The following FHAD1 variants were observed in gnomAD, a reference collection of about 807,000 sequenced individuals.
FHAD1 encodes forkhead-associated domain-containing protein 1.
FHAD1 carries 146 observed loss-of-function variants against 191.3 expected under a neutral mutation model. That is an observed-to-expected ratio of 0.76 (90% CI 0.67 to 0.88). The LOEUF (loss-of-function observed/expected upper bound fraction) is 0.88, where lower values mean the gene tolerates loss of function less well. FHAD1 is among the 40% of genes least tolerant of loss of function. The probability of loss-of-function intolerance (pLI) is 0.00; values close to 1 mark genes in which losing one functional copy is unlikely to be tolerated. For synonymous variants in FHAD1, 616 were observed against 672.3 expected (o/e 0.92, Z 1.29); for missense variants, 1,635 against 1,785.8 (o/e 0.92, Z 1.52).
At position 15,247,277 on chromosome 1, in the gene FHAD1, C is replaced by T. The variant is rs1397589764; in HGVS notation, c.-133C>T. 5.5e-6 allele frequency: 1 copy of T among 183,256 alleles called. No individual in the cohort carries two copies. Among genetic ancestry groups the T allele is most frequent in the Non-Finnish European group, 1.2e-5 (1 of 84,018 alleles). The allele number at this position is 183,256 out of a possible 1,614,324, so 11.4% of individuals were successfully genotyped here. A position where few individuals can be genotyped will look rare whatever the true frequency, so the allele number is the denominator to read the frequency against. The stretch of plus-strand genomic sequence containing the variant: ...GGCCGGGCGGGCGGGGTGCCGGGTG[C>T]GAGCTGGAGACTCCGCGGGAGCGCG... On this transcript the variant is annotated 5_prime_UTR_variant, in exon 1 of 34. The change creates a premature stop within an existing upstream ORF in the 5' untranslated region. Transcript: ENST00000688493.
At chr1:15,258,266 AC>A (rs1183145411) in intron 2 of FHAD1, among the ~76,000 whole-genome samples, 1 of 151,840 alleles carries the variant, frequency 6.6e-6, no homozygotes, top group Admixed American at 6.5e-5. Flanking sequence ...CCTGGCAGCC[AC>A]CGTCTTTCTG....
upstream of FHAD1, among the ~76,000 whole-genome samples, chr1:15,242,381 T>C (rs1197219731): frequency 6.6e-6 from 1 of 152,210 alleles, no homozygotes; most frequent in Non-Finnish European, 1.5e-5. Context: ...TTCTGTATAA[T>C]GAGTTGGGCT....
intron 3 of FHAD1, among the ~76,000 whole-genome samples, chr1:15,284,478 C>CAAA (rs34856227): frequency 0.3 from 35,228 of 118,138 alleles, 6,099 homozygotes; most frequent in East Asian, 0.75. Context: ...GACTCCATCT[C>CAAA]AAAAAAAAAA....
intron 1 of FHAD1, among the ~76,000 whole-genome samples, chr1:15,251,218 T>TTTGCTCGAGCCCAGGAGATC (rs1557913652): frequency 1.3e-5 from 2 of 150,654 alleles, no homozygotes; most frequent in Non-Finnish European, 2.9e-5. Context: ...GAGACCTCAG[T>TTTGCTCGAGCCCAGGAGATC]GAGCCAAGAT....
intron 2 of FHAD1, among the ~76,000 whole-genome samples, chr1:15,268,856 T>C (rs1021290432): frequency 5.3e-5 from 8 of 151,240 alleles, no homozygotes; most frequent in African/African-American, 1.9e-4. Flanking sequence ...TGTTTTTTTC[T>C]TGTAAATTTG....
chr1:15,292,288 C>T (rs918803432), intron 4 of FHAD1, among the ~76,000 whole-genome samples: 8 of 152,234 alleles, frequency 5.3e-5, no homozygotes, highest in African/African-American at 1.9e-4. Flanking sequence ...GCTGGGATTA[C>T]AGGCACCCAC....
At chr1:15,300,572 T>C (rs1010727824) in intron 5 of FHAD1, among the ~76,000 whole-genome samples, 8 of 152,232 alleles carry the variant, frequency 5.3e-5, no homozygotes, top group African/African-American at 1.9e-4. Context: ...GGTAAGTTGA[T>C]TCCTAAAAAT....
chr1:15,281,940 CTT>C (rs1242527039), intron 3 of FHAD1, among the ~76,000 whole-genome samples: 1 of 152,062 alleles, frequency 6.6e-6, no homozygotes, highest in African/African-American at 2.4e-5. Flanking sequence ...ACTCCTCTGT[CTT>C]TATTTGATTC....
intron 8 of FHAD1, chr1:15,314,627 G>GTGT: frequency 1.5e-5 from 2 of 133,788 alleles, no homozygotes; most frequent in Admixed American, 1.5e-4. Context: ...GTGGGTGTGA[G>GTGT]GATGTATGTG....
intron 22 of FHAD1, among the ~76,000 whole-genome samples, chr1:15,361,126 A>G (rs775070565): frequency 5.3e-5 from 8 of 152,140 alleles, no homozygotes; most frequent in Non-Finnish European, 1.0e-4. Context: ...ATTAACCCTA[A>G]AGAGGCTGAA....
chr1:15,328,242 T>C (rs1679671474), intron 12 of FHAD1, 35 bp from the exon 13 acceptor site: 1 of 391,370 alleles, frequency 2.6e-6, no homozygotes, highest in Non-Finnish European at 3.4e-6. Flanking sequence ...ATGTTACATC[T>C]TTTTTTTTTT....
intron 2 of FHAD1, among the ~76,000 whole-genome samples, chr1:15,261,590 C>G (rs184487566): frequency 1.3e-4 from 20 of 152,294 alleles, no homozygotes; most frequent in Admixed American, 4.6e-4. Context: ...ACAGCGTCTT[C>G]TCGGGGACTT....
intron 3 of FHAD1, among the ~76,000 whole-genome samples, chr1:15,275,164 G>A (rs938840114): frequency 5.9e-5 from 9 of 151,982 alleles, no homozygotes; most frequent in Non-Finnish European, 1.0e-4. Flanking sequence ...GGGTTTCACC[G>A]TGTTAGCCAG....
rs1029367176 is a variant in FHAD1, at chr1:15,241,678, C to A, written c.-15+4917C>A. Among the ~76,000 whole-genome samples the A allele has an allele frequency of 3.6e-4, 55 of 151,518 alleles. 1 individual carries two copies. The highest frequency in any genetic ancestry group is 5.8e-4 in the East Asian group (3 of 5,148). On this transcript the variant is annotated intron_variant, in intron 1 of 33. Transcript: ENST00000683790. ...AACAAACAACAAAAAAACAAACAAA[C>A]AAAAAAAACCCAGAACGAATCTATG...
In FHAD1 at chr1:15,301,126, G is replaced by A. The variant is rs761537098; in HGVS notation, c.679-79G>A. 112 of 1,288,254 alleles carry A rather than the reference G, an allele frequency of 8.7e-5. 1 individual carries two copies. Among genetic ancestry groups the A allele is most frequent in the Middle Eastern group, 4.1e-4 (2 of 4,884 alleles). 79.8% of individuals were successfully genotyped at this position (1,288,254 alleles called of 1,614,324 possible). ...ATTACAGGCGTGAGCCACCGCACCCGGCCCCTACTTTTTTTTAATGGGCTC... is the reference window on the plus strand; with the variant it reads ...ATTACAGGCGTGAGCCACCGCACCCAGCCCCTACTTTTTTTTAATGGGCTC... On this transcript the variant is annotated intron_variant, in intron 5 of 33. Transcript: ENST00000688493.
rs1468639381 is a variant in FHAD1 at position 15,367,468 on chromosome 1, C to G, written c.3160C>G (p.Leu1054Val). ...HSRMSDLRGE[L>V]NEKQKMELEQ... ...GGCCCTCCTGTCACTCGCAGGGGAGCTAAACGAGAAGCAGAAGATGGAACT... is the reference window on the plus strand; with the variant it reads ...GGCCCTCCTGTCACTCGCAGGGGAGGTAAACGAGAAGCAGAAGATGGAACT... The change falls in exon 25 of 34, where the codon CTA becomes GTA. Residue 1054 changes from leucine (L) to valine (V), a missense_variant. Physicochemically the swap from Leu to Val is conservative, Grantham distance 32. Coordinates refer to ENST00000688493, the MANE Select transcript of FHAD1 (RefSeq NM_001391957.1). 6 of 1,551,090 alleles carry G rather than the reference C, an allele frequency of 3.9e-6. No homozygotes were observed. The highest frequency in any genetic ancestry group is 5.2e-6 in the Non-Finnish European group (6 of 1,146,818).
In FHAD1 at chr1:15,349,130, ATT is replaced by A; in HGVS notation, c.2437_2438del (p.Leu813AsnfsTer55). 6.4e-7 allele frequency: 1 copy of A among 1,551,418 alleles called. No homozygotes were observed. The highest frequency in any genetic ancestry group is 2.4e-5 in the East Asian group (1 of 40,920). On this transcript the variant is annotated frameshift_variant, in exon 19 of 34. Transcript: ENST00000688493. LOFTEE classifies it high-confidence loss of function. ...AGAAAAGTTCAGGATCTGGAGAACC[ATT>A]TAACCCAACAGAAGGAGGTATGAGC...
At position 15,278,475 on chromosome 1, in the gene FHAD1, C is replaced by CTTTTTTTTTTTTTT. The variant is rs34110532; in HGVS notation, c.300+5949_300+5962dup. ...ACGCTTTGAACAGTCTTCATTACCTCTTTTTTTTTTTTTTTTGAGACGGAG... is the reference window on the plus strand; with the variant it reads ...ACGCTTTGAACAGTCTTCATTACCTCTTTTTTTTTTTTTTTTTTTTTTTTTTTTTTGAGACGGAG... On this transcript the variant is annotated intron_variant, in intron 3 of 33. Transcript: ENST00000688493. Among the ~76,000 whole-genome samples the CTTTTTTTTTTTTTT allele has an allele frequency of 4.7e-3, 579 of 124,224 alleles. 40 individuals are homozygous for CTTTTTTTTTTTTTT. Among genetic ancestry groups the CTTTTTTTTTTTTTT allele is most frequent in the African/African-American group, 0.014 (432 of 30,674 alleles). 81.5% of individuals were successfully genotyped at this position (124,224 alleles called of 152,430 possible).
At position 15,393,415 on chromosome 1, in the gene FHAD1, GAC is replaced by G. The variant is rs772225551; in HGVS notation, c.4323+2165_4323+2166del. The stretch of plus-strand genomic sequence containing the variant: ...CAATAGCCATATCTACATAGATGTG[GAC>G]ACACACACACACGCACACACACACA... On this transcript the variant is annotated intron_variant, in intron 33 of 33. Coordinates refer to ENST00000688493, the MANE Select transcript of FHAD1 (RefSeq NM_001391957.1). Among the ~76,000 whole-genome samples, 601 of 127,734 alleles carry G rather than the reference GAC, an allele frequency of 4.7e-3. 4 individuals are homozygous for G. The highest frequency in any genetic ancestry group is 4.9e-3 in the Non-Finnish European group (316 of 64,028). The allele number at this position is 127,734 out of a possible 152,430, so 83.8% of individuals were successfully genotyped here. A position where few individuals can be genotyped will look rare whatever the true frequency, so the allele number is the denominator to read the frequency against.
Sources: gnomAD v4.1 joint callset for allele counts (sites outside exome capture counted in the v4.1 genomes callset) on GRCh38, gnomAD v4.1.1 for gene constraint, MANE v1.5 for transcripts, NCBI Gene and HGNC (gene_info 2026-07-23, HGNC 2026-07-21) for gene names.